Variants in FMNL2 observed in about 807,000 individuals in gnomAD.
FMNL2 encodes formin-like protein 2.
Under a neutral mutation model 130.2 loss-of-function variants are expected in FMNL2, and 51 were observed. The observed-to-expected ratio is 0.39, with a 90% CI of 0.31 to 0.49. FMNL2 has a LOEUF of 0.49. Among genes scored for constraint, FMNL2 ranks in the 20% least tolerant of loss-of-function variants. FMNL2 has a pLI of 0.85. For synonymous variants in FMNL2, 465 were observed against 467.1 expected, an observed-to-expected ratio of 1.00 and a Z score of 0.06; for missense variants, 977 against 1,316.2, an observed-to-expected ratio of 0.74 and a Z score of 3.99.
intron 1 of FMNL2, among the ~76,000 whole-genome samples, chr2:152,370,518 A>G (rs1236454591): frequency 6.6e-6 from 1 of 152,208 alleles, no homozygotes; most frequent in Non-Finnish European, 1.5e-5. Flanking sequence ...GACTACATTG[A>G]TTGAGTTGAT....
chr2:152,429,364 T>C (rs1048916680), intron 1 of FMNL2, among the ~76,000 whole-genome samples: 11 of 152,188 alleles, frequency 7.2e-5, no homozygotes, highest in Non-Finnish European at 1.5e-5. Flanking sequence ...TTCTAGAGCC[T>C]AGTGAAGGGT....
In FMNL2 at chr2:152,607,506, C is replaced by G. The variant is rs183182592; in HGVS notation, c.951+93C>G. 1.2e-3 allele frequency: 860 copies of G among 712,600 alleles called. 3 individuals carry two copies. The African/African-American group carries it at 0.016, about 13-fold the overall frequency. The allele number at this position is 712,600 out of a possible 1,614,324, so 44.1% of individuals were successfully genotyped here. A position where few individuals can be genotyped will look rare whatever the true frequency, so the allele number is the denominator to read the frequency against. On this transcript the variant is annotated intron_variant, in intron 10 of 25. Transcript: ENST00000288670. ...ACACACACACACACACACACACACA[C>G]ATATTTATATTACAAAGGACAGGGA... is the stretch of plus-strand genomic sequence containing the variant.
At chr2:152,616,843 C>G (rs1044965183) in intron 12 of FMNL2, among the ~76,000 whole-genome samples, 2 of 152,214 alleles carry the variant, frequency 1.3e-5, no homozygotes, top group African/African-American at 4.8e-5. Context: ...GGGAGGCACA[C>G]TGTGTATGTT....
chr2:152,436,230 A>G (rs545932167), intron 1 of FMNL2, among the ~76,000 whole-genome samples: 5 of 151,792 alleles, frequency 3.3e-5, no homozygotes, highest in Admixed American at 2.0e-4. Context: ...CAGTGGCACT[A>G]TCTTGGCTCA....
intron 1 of FMNL2, among the ~76,000 whole-genome samples, chr2:152,382,975 G>A (rs184497505): frequency 5.9e-5 from 9 of 152,254 alleles, no homozygotes; most frequent in East Asian, 3.9e-4. Flanking sequence ...CATTACCCAC[G>A]TGTTTGTAGT....
At chr2:152,559,602 AC>A (rs1264582792) in intron 5 of FMNL2, among the ~76,000 whole-genome samples, 1 of 151,998 alleles carries the variant, frequency 6.6e-6, no homozygotes, top group African/African-American at 2.4e-5. Context: ...ACCGCACCCA[AC>A]CTAGAAGCAC....
chr2:152,417,900 C>G (rs975294150), intron 1 of FMNL2, among the ~76,000 whole-genome samples: 2 of 152,098 alleles, frequency 1.3e-5, no homozygotes, highest in Non-Finnish European at 2.9e-5. Flanking sequence ...GTGTCATGAT[C>G]TCGGCTCACT....
At chr2:152,523,821 G>A (rs1693239061) in intron 2 of FMNL2, among the ~76,000 whole-genome samples, 1 of 152,188 alleles carries the variant, frequency 6.6e-6, no homozygotes, top group African/African-American at 2.4e-5. Flanking sequence ...TCTCCCTCAA[G>A]AGTAAGTTCC....
intron 1 of FMNL2, among the ~76,000 whole-genome samples, chr2:152,363,427 G>C (rs1475715929): frequency 6.6e-6 from 1 of 152,148 alleles, no homozygotes; most frequent in Admixed American, 6.5e-5. Context: ...TTCCTTTGGG[G>C]ACTTTTACTA....
chr2:152,379,593 A>C lies in FMNL2; in HGVS notation c.117+43873A>C, dbSNP rs186552503. ...AGTACCTAATGTTTTTAAGAGTGTT[A>C]TATATATCATTTTTCCCTAATTTTA... On this transcript the variant is annotated intron_variant, in intron 1 of 25. Coordinates refer to ENST00000288670, the MANE Select transcript of FMNL2 (RefSeq NM_052905.4). Among the ~76,000 whole-genome samples the C allele has an allele frequency of 1.8e-3, 271 of 152,246 alleles. 4 individuals are homozygous for C. In the South Asian group the frequency reaches 0.021, roughly 12 times the overall value.
At chr2:152,405,985 T>A (rs1685958319) in intron 1 of FMNL2, among the ~76,000 whole-genome samples, 1 of 152,240 alleles carries the variant, frequency 6.6e-6, no homozygotes. Flanking sequence ...AGAATTCTTC[T>A]GATTTTCAGG....
intron 1 of FMNL2, among the ~76,000 whole-genome samples, chr2:152,372,919 C>T (rs1683964029): frequency 6.6e-6 from 1 of 152,170 alleles, no homozygotes; most frequent in Non-Finnish European, 1.5e-5. Context: ...GAAGAGGTAT[C>T]TGGGAGTTGG....
chr2:152,535,282 C>G (rs1045676969), intron 2 of FMNL2, among the ~76,000 whole-genome samples: 1 of 152,186 alleles, frequency 6.6e-6, no homozygotes, highest in Non-Finnish European at 1.5e-5. Context: ...TGTTCCTGAT[C>G]TGGAAAACTC....
At chr2:152,382,808 A>G (rs1259994980) in intron 1 of FMNL2, among the ~76,000 whole-genome samples, 2 of 152,198 alleles carry the variant, frequency 1.3e-5, no homozygotes, top group Non-Finnish European at 2.9e-5. Context: ...CTGGGGAAAA[A>G]ATAGAAGTGT....
intron 25 of FMNL2, among the ~76,000 whole-genome samples, chr2:152,641,723 C>A (rs1023862323): frequency 3.9e-5 from 6 of 152,112 alleles, no homozygotes; most frequent in Non-Finnish European, 7.4e-5. Context: ...CTCTACCTAC[C>A]CCCATATCCA....
At chr2:152,537,972 A>T (rs780613332) in intron 2 of FMNL2, among the ~76,000 whole-genome samples, 5 of 152,194 alleles carry the variant, frequency 3.3e-5, no homozygotes, top group Non-Finnish European at 5.9e-5. Context: ...CAAAATGGAG[A>T]TAATATCTAC....
chr2:152,504,657 G>T (rs1692054350), intron 1 of FMNL2, among the ~76,000 whole-genome samples: 1 of 152,096 alleles, frequency 6.6e-6, no homozygotes, highest in African/African-American at 2.4e-5. Flanking sequence ...TAAATGGGTT[G>T]TTTACTGAAT....
chr2:152,361,679 G>A (rs547361239), intron 1 of FMNL2, among the ~76,000 whole-genome samples: 11 of 152,040 alleles, frequency 7.2e-5, no homozygotes, highest in African/African-American at 2.7e-4. Flanking sequence ...TAAACTCAGG[G>A]GTTTTAATCC....
chr2:152,367,745 T>C (rs1448027024), intron 1 of FMNL2, among the ~76,000 whole-genome samples: 1 of 152,208 alleles, frequency 6.6e-6, no homozygotes. Flanking sequence ...AGTGTTTTCT[T>C]GTGATTTTCA....
Sources: gnomAD v4.1 joint callset for allele counts (sites outside exome capture counted in the v4.1 genomes callset) on GRCh38, gnomAD v4.1.1 for gene constraint, MANE v1.5 for transcripts, NCBI Gene and HGNC (gene_info 2026-07-23, HGNC 2026-07-21) for gene names.